The following STK3 variants were observed in gnomAD, a reference collection of about 807,000 sequenced individuals.
The protein encoded by STK3 is serine/threonine kinase 3, also known as serine/threonine-protein kinase 3.
A neutral mutation model predicts 58.0 loss-of-function variants in STK3; 41 were observed. That is an observed-to-expected ratio of 0.71 (90% CI 0.55 to 0.92). The LOEUF (loss-of-function observed/expected upper bound fraction) is 0.92. Ranked by LOEUF, STK3 falls within the 40% of genes least tolerant of loss-of-function variation. The pLI is 0.00. For synonymous variants in STK3, 170 were observed against 191.0 expected (o/e 0.89, Z 0.91); for missense variants, 479 against 602.7 (o/e 0.79, Z 2.15).
chr8:98,866,899 G>C (rs1321160184), intron 3 of STK3, among the ~76,000 whole-genome samples: 3 of 152,134 alleles, frequency 2.0e-5, no homozygotes, highest in South Asian at 2.1e-4. Context: ...ATGCCCCTGG[G>C]GAGGGGCAGA....
chr8:98,929,986 A>G (rs1839948071), intron 1 of STK3, among the ~76,000 whole-genome samples: 4 of 152,204 alleles, frequency 2.6e-5, no homozygotes, highest in Non-Finnish European at 5.9e-5. Context: ...TTGATTCTCC[A>G]ATATATAACC....
chr8:98,746,708 AC>A (rs1275108640), intron 4 of STK3, among the ~76,000 whole-genome samples: 2 of 152,172 alleles, frequency 1.3e-5, no homozygotes, highest in Non-Finnish European at 2.9e-5. Context: ...GGAATCACTA[AC>A]CTAGAATTCT....
chr8:98,664,664 G>A (rs529070276), intron 6 of STK3, among the ~76,000 whole-genome samples: 2 of 152,242 alleles, frequency 1.3e-5, no homozygotes, highest in African/African-American at 4.8e-5. Context: ...CATAAGAAAT[G>A]CTTTCCATAT....
intron 3 of STK3, among the ~76,000 whole-genome samples, chr8:98,420,741 G>A (rs769527759): frequency 6.6e-6 from 1 of 152,228 alleles, no homozygotes. Flanking sequence ...TAGTACCCAA[G>A]TGAGGGCAAG....
intron 10 of STK3, among the ~76,000 whole-genome samples, chr8:98,494,964 A>T (rs1798390059): frequency 6.6e-6 from 1 of 152,236 alleles, no homozygotes; most frequent in South Asian, 2.1e-4. Context: ...CATGAATCCA[A>T]CCACTAAATT....
At chr8:98,854,893 C>T (rs1005380526) in intron 3 of STK3, among the ~76,000 whole-genome samples, 1 of 152,078 alleles carries the variant, frequency 6.6e-6, no homozygotes, top group Non-Finnish European at 1.5e-5. Flanking sequence ...CCCGTCTCTA[C>T]TAAAAATACA....
intron 1 of STK3, among the ~76,000 whole-genome samples, chr8:98,823,384 A>G (rs182612856): frequency 2.2e-4 from 34 of 152,358 alleles, no homozygotes; most frequent in Admixed American, 2.1e-3. Flanking sequence ...AACAGAGACC[A>G]GGAGATTACA....
intron 7 of STK3, among the ~76,000 whole-genome samples, chr8:98,592,498 T>C (rs916013899): frequency 2.0e-5 from 3 of 152,182 alleles, no homozygotes; most frequent in Non-Finnish European, 4.4e-5. Context: ...TTGTCTTTCA[T>C]TTCTCAAAGA....
chr8:98,567,438 T>C (rs1812581278), intron 8 of STK3, among the ~76,000 whole-genome samples: 1 of 152,136 alleles, frequency 6.6e-6, no homozygotes, highest in East Asian at 1.9e-4. Context: ...GCTTAAGCTA[T>C]CCACCTGCCT....
chr8:98,655,698 A>G (rs1821433897), intron 6 of STK3, among the ~76,000 whole-genome samples: 2 of 151,972 alleles, frequency 1.3e-5, no homozygotes, highest in South Asian at 4.2e-4. Context: ...CACTTCTCAA[A>G]AGAAGACATT....
intron 3 of STK3, among the ~76,000 whole-genome samples, chr8:98,844,218 C>T (rs1001481217): frequency 6.6e-6 from 1 of 152,158 alleles, no homozygotes; most frequent in African/African-American, 2.4e-5. Context: ...CCCAGTCCTA[C>T]CTTTTTTATT....
intron 10 of STK3, among the ~76,000 whole-genome samples, chr8:98,520,735 A>C (rs1233079728): frequency 6.6e-6 from 1 of 152,134 alleles, no homozygotes; most frequent in Non-Finnish European, 1.5e-5. Context: ...GAAGATAAAC[A>C]CATAAACCTT....
intron 10 of STK3, among the ~76,000 whole-genome samples, chr8:98,473,989 AG>A (rs1183668508): frequency 1.3e-5 from 2 of 152,146 alleles, no homozygotes; most frequent in East Asian, 3.8e-4. Flanking sequence ...TGCAATACTC[AG>A]TAAGTTCATA....
chr8:98,501,977 TC>T (rs1331135273), intron 10 of STK3, among the ~76,000 whole-genome samples: 120 of 152,352 alleles, frequency 7.9e-4, no homozygotes, highest in African/African-American at 2.8e-3. Flanking sequence ...TGGCATTGAA[TC>T]TATAAATTAC....
upstream of STK3, among the ~76,000 whole-genome samples, chr8:98,828,437 C>CAA (rs367737626): frequency 4.2e-3 from 206 of 48,580 alleles, 22 homozygotes; most frequent in East Asian, 4.6e-3. Flanking sequence ...CCCATCTCTA[C>CAA]AAAAAAAAAA....
intron 1 of STK3, among the ~76,000 whole-genome samples, chr8:98,387,487 G>A (rs1052695857): frequency 6.6e-5 from 10 of 152,204 alleles, no homozygotes; most frequent in East Asian, 1.9e-4. Context: ...GGTGGCTTAC[G>A]CCTGTAACCC....
intron 1 of STK3, chr8:98,437,225 G>A (rs1818523380): frequency 6.6e-6 from 1 of 152,274 alleles, no homozygotes; most frequent in Non-Finnish European, 1.5e-5. Context: ...GACAGAAAAG[G>A]ATTTAGGAAG....
At chr8:98,366,297 T>C (rs919278317), downstream of STK3, among the ~76,000 whole-genome samples, 5 of 152,252 alleles carry the variant, frequency 3.3e-5, no homozygotes, top group Non-Finnish European at 5.9e-5. Flanking sequence ...TGTTGGCTTA[T>C]AGTCTTCATT....
At chr8:98,918,332 G>C (rs756514201) in intron 1 of STK3, among the ~76,000 whole-genome samples, 5 of 152,098 alleles carry the variant, frequency 3.3e-5, no homozygotes, top group Non-Finnish European at 7.4e-5. Flanking sequence ...AGGTATTTGG[G>C]GTATATCTTG....
Sources: allele counts gnomAD v4.1 joint callset (sites outside exome capture counted in the v4.1 genomes callset), GRCh38; gene constraint gnomAD v4.1.1; transcripts MANE v1.5; gene names NCBI Gene and HGNC (gene_info 2026-07-23, HGNC 2026-07-21).